SDK1: variants seen among roughly 807,000 people sequenced by gnomAD.
The protein encoded by SDK1 is sidekick cell adhesion molecule 1.
SDK1 carries 157 observed loss-of-function variants against 245.5 expected under a neutral mutation model. That is an observed-to-expected ratio of 0.64 (90% CI 0.56 to 0.73). The LOEUF (loss-of-function observed/expected upper bound fraction) is 0.73, where lower values mean the gene tolerates loss of function less well. SDK1 is among the 30% of genes least tolerant of loss of function. The pLI is 0.00. For missense variants in SDK1, 3,583 were observed against 3,002.3 expected (o/e 1.19, Z -4.52); for synonymous variants, 1,647 against 1,278.5 (o/e 1.29, Z -6.15).
chr7:3,520,444 C>T (rs1306791924), intron 1 of SDK1, among the ~76,000 whole-genome samples: 6 of 152,128 alleles, frequency 3.9e-5, no homozygotes, highest in African/African-American at 9.7e-5. Context: ...ACACAGCTGT[C>T]GAACTCTGCT....
chr7:4,169,477 C>T (rs977512859), intron 32 of SDK1, among the ~76,000 whole-genome samples: 3 of 152,188 alleles, frequency 2.0e-5, no homozygotes, highest in African/African-American at 4.8e-5. Flanking sequence ...CATCAAAAGC[C>T]GCCTCCTCCT....
chr7:3,457,423 G>C (rs1780705749), intron 1 of SDK1, among the ~76,000 whole-genome samples: 1 of 152,028 alleles, frequency 6.6e-6, no homozygotes, highest in African/African-American at 2.4e-5. Context: ...TATACACAAT[G>C]TCTTCTTATC....
chr7:3,948,542 G>A (rs1400826929), intron 5 of SDK1, among the ~76,000 whole-genome samples: 1 of 152,200 alleles, frequency 6.6e-6, no homozygotes, highest in African/African-American at 2.4e-5. Context: ...GATGACAGGC[G>A]TGAGCCACCG....
intron 5 of SDK1, among the ~76,000 whole-genome samples, chr7:3,949,792 T>C (rs1470454250): frequency 6.6e-6 from 1 of 152,206 alleles, no homozygotes; most frequent in East Asian, 1.9e-4. Flanking sequence ...AAATTATTTA[T>C]AGTTTGATAC....
chr7:3,999,768 A>G (rs1018319771), intron 14 of SDK1, among the ~76,000 whole-genome samples: 11 of 152,238 alleles, frequency 7.2e-5, no homozygotes, highest in African/African-American at 2.7e-4. Flanking sequence ...ACAAAGTAAT[A>G]CATGCTCATT....
At chr7:3,923,713 C>T (rs1487704002) in intron 5 of SDK1, among the ~76,000 whole-genome samples, 1 of 152,256 alleles carries the variant, frequency 6.6e-6, no homozygotes, top group African/African-American at 2.4e-5. Flanking sequence ...TCCAAGTTCA[C>T]GTTTAGTCCC....
chr7:3,370,648 T>C (rs972253088), intron 1 of SDK1, among the ~76,000 whole-genome samples: 40 of 152,222 alleles, frequency 2.6e-4, no homozygotes, highest in African/African-American at 9.6e-4. Context: ...TATGCCAAGA[T>C]CTGGGCAGAA....
At chr7:3,674,414 C>T (rs546804635) in intron 4 of SDK1, among the ~76,000 whole-genome samples, 19 of 152,166 alleles carry the variant, frequency 1.2e-4, no homozygotes, top group African/African-American at 4.6e-4. Flanking sequence ...GGAGGACCAG[C>T]CTTCCTGTTG....
intron 22 of SDK1, 89 bp downstream of exon 22, chr7:4,079,673 G>A: frequency 1.3e-6 from 2 of 1,549,120 alleles, no homozygotes; most frequent in Non-Finnish European, 1.8e-6. Flanking sequence ...ATGATGGCTT[G>A]GGGTGTCGGG....
At chr7:4,052,160 T>C in intron 19 of SDK1, among the ~76,000 whole-genome samples, 2 of 126,294 alleles carry the variant, frequency 1.6e-5, no homozygotes, top group African/African-American at 3.9e-5. Context: ...CCTCACCTGC[T>C]TCCATGATCC....
intron 5 of SDK1, among the ~76,000 whole-genome samples, chr7:3,853,330 C>T (rs1780464252): frequency 6.6e-6 from 1 of 152,114 alleles, no homozygotes; most frequent in African/African-American, 2.4e-5. Context: ...TAAGTACCAG[C>T]TGCTGGCAAT....
chr7:3,496,213 G>C (rs1461541391), intron 1 of SDK1, among the ~76,000 whole-genome samples: 1 of 152,048 alleles, frequency 6.6e-6, no homozygotes, highest in East Asian at 1.9e-4. Flanking sequence ...CTGTCTCGTG[G>C]GATCGCTGGA....
At position 3,528,872 on chromosome 7, in the gene SDK1, A is replaced by G. The variant is rs538072919; in HGVS notation, c.299-90208A>G. 2.0e-5 allele frequency among the ~76,000 whole-genome samples: 3 copies of G among 152,228 alleles called. No individual in the cohort carries two copies. The East Asian group carries it at 5.8e-4, about 29-fold the overall frequency. Reference sequence around the variant, plus strand: ...AAAATGAGCCCCATTTGGGCTTTTTATGGGCTCTTCCTGATCTCCTTCTCT... The same window carrying G: ...AAAATGAGCCCCATTTGGGCTTTTTGTGGGCTCTTCCTGATCTCCTTCTCT... On this transcript the variant is annotated intron_variant, in intron 1 of 44. Coordinates refer to ENST00000404826, the MANE Select transcript of SDK1 (RefSeq NM_152744.4).
At chr7:4,204,335 A>G (rs560149385) in intron 35 of SDK1, among the ~76,000 whole-genome samples, 1 of 152,288 alleles carries the variant, frequency 6.6e-6, no homozygotes, top group South Asian at 2.1e-4. Context: ...GGGGCGGTAA[A>G]TAAGAATTTC....
intron 25 of SDK1, among the ~76,000 whole-genome samples, chr7:4,117,501 C>T (rs1783789200): frequency 6.6e-6 from 1 of 152,162 alleles, no homozygotes; most frequent in African/African-American, 2.4e-5. Flanking sequence ...AATTCATCAA[C>T]ACACTCATAA....
chr7:3,420,126 CA>C (rs1161521730), intron 1 of SDK1, among the ~76,000 whole-genome samples: 13 of 152,256 alleles, frequency 8.5e-5, no homozygotes, highest in African/African-American at 2.9e-4. Flanking sequence ...AGAGCAAAAA[CA>C]AAATAAAATG....
At chr7:3,832,623 A>G (rs1467541906) in intron 5 of SDK1, among the ~76,000 whole-genome samples, 2 of 152,216 alleles carry the variant, frequency 1.3e-5, no homozygotes, top group African/African-American at 4.8e-5. Context: ...TGCTTTTCCA[A>G]GAACACTTCG....
intron 1 of SDK1, among the ~76,000 whole-genome samples, chr7:3,445,462 A>T (rs529332394): frequency 1.8e-4 from 27 of 152,338 alleles, no homozygotes; most frequent in African/African-American, 6.5e-4. Context: ...TGGTTTAGTT[A>T]TTCACATGAC....
chr7:3,574,895 C>CT (rs2128630677), intron 1 of SDK1, among the ~76,000 whole-genome samples: 1 of 152,144 alleles, frequency 6.6e-6, no homozygotes, highest in East Asian at 1.9e-4. Context: ...AAGGCATTTT[C>CT]TCTGAGTTGT....
Sources: allele counts gnomAD v4.1 joint callset (sites outside exome capture counted in the v4.1 genomes callset), GRCh38; gene constraint gnomAD v4.1.1; transcripts MANE v1.5; gene names NCBI Gene and HGNC (gene_info 2026-07-23, HGNC 2026-07-21).